RABGAP1: variants seen among roughly 807,000 people sequenced by gnomAD.
RABGAP1 encodes the protein RAB GTPase activating protein 1, also known as rab GTPase-activating protein 1.
In RABGAP1, 23 loss-of-function variants were observed where a neutral mutation model predicts 137.6. The observed-to-expected ratio is 0.17, with a 90% CI of 0.12 to 0.24. The LOEUF is 0.24. RABGAP1 is among the 10% of genes least tolerant of loss of function. The pLI is 1.00. For missense variants in RABGAP1, 906 were observed against 1,275.8 expected (o/e 0.71, Z 4.42); for synonymous variants, 451 against 450.7 (o/e 1.00, Z -0.01).
intron 3 of RABGAP1, 77 bp from the exon 4 acceptor site, chr9:122,986,138 C>A (rs777926857): frequency 1.2e-5 from 16 of 1,355,218 alleles, no homozygotes; most frequent in Non-Finnish European, 1.7e-5. Context: ...ATGTTACTTG[C>A]AGATTTTTAC....
intron 2 of RABGAP1, among the ~76,000 whole-genome samples, chr9:122,978,271 A>G (rs1423048713): frequency 1.3e-5 from 2 of 152,170 alleles, no homozygotes; most frequent in East Asian, 3.8e-4. Flanking sequence ...GTCATACAGT[A>G]TGTAGTCTTT....
intron 19 of RABGAP1, among the ~76,000 whole-genome samples, chr9:123,080,385 C>T (rs2034669199): frequency 2.0e-5 from 3 of 152,278 alleles, no homozygotes; most frequent in South Asian, 4.2e-4. Context: ...GAAATCGGCT[C>T]ATAGCCTGAA....
chr9:122,952,424 A>G (rs1259874085), intron 1 of RABGAP1, among the ~76,000 whole-genome samples: 1 of 151,376 alleles, frequency 6.6e-6, no homozygotes, highest in Non-Finnish European at 1.5e-5. Flanking sequence ...ATGCCTGGCT[A>G]ATTTTTTTTT....
At position 122,996,123 on chromosome 9, in the gene RABGAP1, A is replaced by T. The variant is rs941349782; in HGVS notation, c.1006A>T (p.Thr336Ser). The T allele has an allele frequency of 6.2e-7, 1 of 1,611,924 alleles. No individual in the cohort carries two copies. The highest frequency in any genetic ancestry group is 2.2e-5 in the East Asian group (1 of 44,832). ...DKKIVIYVQQ[T>S]TNKELAIERC... Reference sequence around the variant, plus strand: ...GAAGATTGTCATCTATGTGCAGCAAACAACTAATAAAGAACTTGCCATTGA... The same window carrying T: ...GAAGATTGTCATCTATGTGCAGCAATCAACTAATAAAGAACTTGCCATTGA... Residue 336 changes from threonine (T) to serine (S), a missense_variant, in exon 7 of 26, where the codon ACA (threonine) becomes TCA (serine). Coordinates refer to ENST00000373647, the MANE Select transcript of RABGAP1 (RefSeq NM_012197.4).
chr9:123,022,686 T>G (rs2031718383), intron 13 of RABGAP1, among the ~76,000 whole-genome samples: 1 of 152,108 alleles, frequency 6.6e-6, no homozygotes, highest in South Asian at 2.1e-4. Context: ...ATTACAAGTG[T>G]GAGCCACCGC....
At chr9:122,939,900 G>C (rs1043821269), upstream of RABGAP1, 18 of 152,300 alleles carry the variant, frequency 1.2e-4, no homozygotes, top group African/African-American at 4.3e-4. Flanking sequence ...TTATCCACCA[G>C]AAAACACTGT....
intron 13 of RABGAP1, chr9:123,034,226 C>G (rs1223172719): frequency 9.6e-6 from 3 of 311,034 alleles, no homozygotes; most frequent in Non-Finnish European, 1.8e-5. Flanking sequence ...TTCTTCCCTT[C>G]TCTTCTACCC....
chr9:122,937,406 C>T (rs1300459874), upstream of RABGAP1, among the ~76,000 whole-genome samples: 1 of 152,156 alleles, frequency 6.6e-6, no homozygotes, highest in Non-Finnish European at 1.5e-5. Context: ...CGAGACCAGC[C>T]TGGCCAACAT....
At chr9:123,049,832 A>G (rs2033379480) in intron 13 of RABGAP1, among the ~76,000 whole-genome samples, 1 of 152,246 alleles carries the variant, frequency 6.6e-6, no homozygotes, top group African/African-American at 2.4e-5. Flanking sequence ...CTGATATACC[A>G]GGCCTTAAGC....
At chr9:123,078,049 T>A (rs943148935) in intron 19 of RABGAP1, among the ~76,000 whole-genome samples, 9 of 152,190 alleles carry the variant, frequency 5.9e-5, no homozygotes, top group African/African-American at 2.2e-4. Flanking sequence ...GAACTATGTG[T>A]AGCTATTAGG....
chr9:122,955,451 A>G (rs958671728), intron 1 of RABGAP1, among the ~76,000 whole-genome samples: 2 of 152,206 alleles, frequency 1.3e-5, no homozygotes, highest in African/African-American at 2.4e-5. Context: ...ATGCCATACT[A>G]TGTATTTAGA....
At chr9:122,971,122 G>A (rs1835447567) in intron 2 of RABGAP1, among the ~76,000 whole-genome samples, 1 of 152,194 alleles carries the variant, frequency 6.6e-6, no homozygotes. Context: ...AGTGTACTCA[G>A]GGGCTACTTC....
chr9:123,100,111 C>G (rs1434242950), intron 24 of RABGAP1, among the ~76,000 whole-genome samples: 1 of 152,136 alleles, frequency 6.6e-6, no homozygotes, highest in Non-Finnish European at 1.5e-5. Context: ...GGCACCATTG[C>G]GCCCAGTTTA....
intron 2 of RABGAP1, among the ~76,000 whole-genome samples, chr9:122,974,466 T>G (rs1000548249): frequency 3.6e-5 from 5 of 138,286 alleles, no homozygotes; most frequent in African/African-American, 1.4e-4. Flanking sequence ...TTGCTTGATA[T>G]AGAAAACCAG....
intron 1 of RABGAP1, chr9:122,945,579 G>T (rs1417819233): frequency 1.3e-5 from 2 of 152,100 alleles, no homozygotes; most frequent in African/African-American, 2.4e-5. Flanking sequence ...TATTATCTTG[G>T]TTGTAAAGTA....
chr9:123,010,259 G>A (rs548375046), intron 10 of RABGAP1, 95 bp from the exon 11 acceptor site: 9 of 1,115,002 alleles, frequency 8.1e-6, no homozygotes, highest in East Asian at 7.4e-5. Context: ...GCAGTGAGCC[G>A]AGATCACTGC....
chr9:123,022,718 A>G (rs1052910363), intron 13 of RABGAP1, among the ~76,000 whole-genome samples: 2 of 152,074 alleles, frequency 1.3e-5, no homozygotes, highest in Admixed American at 1.3e-4. Flanking sequence ...CAAATTTTTT[A>G]ATGAATATAT....
chr9:123,073,056 C>G (rs1389623351), intron 15 of RABGAP1, among the ~76,000 whole-genome samples: 1 of 152,130 alleles, frequency 6.6e-6, no homozygotes. Context: ...CTAAAACAAG[C>G]TATATTTTTA....
chr9:122,945,103 G>A (rs930400947), intron 1 of RABGAP1, among the ~76,000 whole-genome samples: 36 of 131,228 alleles, frequency 2.7e-4, no homozygotes, highest in African/African-American at 7.4e-4. Context: ...CTTAATGCCC[G>A]TGAGTATGCC....
Sources: allele counts gnomAD v4.1 joint callset (sites outside exome capture counted in the v4.1 genomes callset), GRCh38; gene constraint gnomAD v4.1.1; transcripts MANE v1.5; gene names NCBI Gene and HGNC (gene_info 2026-07-23, HGNC 2026-07-21).